NECTIN3: variants seen among roughly 807,000 people sequenced by gnomAD.
NECTIN3 encodes the protein nectin cell adhesion molecule 3, also known as nectin-3.
Under a neutral mutation model 49.4 loss-of-function variants are expected in NECTIN3, and 8 were observed. The ratio of observed to expected loss-of-function variants is 0.16; its 90% CI spans 0.10 to 0.29. The LOEUF is 0.29. NECTIN3 is among the 10% of genes least tolerant of loss of function. The pLI is 1.00. For missense variants in NECTIN3, 581 were observed against 654.6 expected (o/e 0.89, Z 1.23); for synonymous variants, 277 against 241.1 (o/e 1.15, Z -1.38).
intron 3 of NECTIN3, 122 bp downstream of exon 3, chr3:111,119,074 A>G (rs991145630): frequency 1.5e-5 from 14 of 954,194 alleles, no homozygotes; most frequent in Non-Finnish European, 1.8e-5. Flanking sequence ...GTTTGTTTTC[A>G]TGGAAATTTC....
In NECTIN3 at chr3:111,159,665, A is replaced by G. The variant is rs556459612; in HGVS notation, c.1221+12181A>G. Reference sequence around the variant, plus strand: ...TACTCAAGGCGAAATTTCCTCCAACATCATTCCTAAAATGTCATCATCTAG... The same window carrying G: ...TACTCAAGGCGAAATTTCCTCCAACGTCATTCCTAAAATGTCATCATCTAG... On this transcript the variant is annotated intron_variant, in intron 7 of 8. Transcript: ENST00000493615. 2.7e-3 allele frequency among the ~76,000 whole-genome samples: 404 copies of G among 152,296 alleles called. 2 individuals are homozygous for G. The highest frequency in any genetic ancestry group is 9.0e-3 in the African/African-American group (374 of 41,576).
chr3:111,129,710 A>G (rs745881646), intron 5 of NECTIN3, among the ~76,000 whole-genome samples: 14 of 150,470 alleles, frequency 9.3e-5, no homozygotes, highest in African/African-American at 3.4e-4. Context: ...GTACAGTGGC[A>G]CTATCTTGGC....
intron 1 of NECTIN3, among the ~76,000 whole-genome samples, chr3:111,109,678 G>T (rs1309473450): frequency 6.6e-6 from 1 of 151,796 alleles, no homozygotes; most frequent in Non-Finnish European, 1.5e-5. Flanking sequence ...GTCTGTTTGT[G>T]TACTTTCAAT....
chr3:111,144,883 T>C, intron 5 of NECTIN3: 1 of 1,518,550 alleles, frequency 6.6e-7, no homozygotes. Context: ...AAAGCCTAAT[T>C]TTTGTTACTT....
intron 4 of NECTIN3, among the ~76,000 whole-genome samples, chr3:111,125,132 G>A (rs2107476435): frequency 7.0e-6 from 1 of 143,702 alleles, no homozygotes. Context: ...GGGTTCAAGT[G>A]ATTCTCCTGC....
chr3:111,101,581 CTTCTA>C (rs2032909763), intron 1 of NECTIN3, among the ~76,000 whole-genome samples: 2 of 152,202 alleles, frequency 1.3e-5, no homozygotes, highest in East Asian at 1.9e-4. Flanking sequence ...TTTTATTGAA[CTTCTA>C]TTCTAGAATT....
intron 7 of NECTIN3, among the ~76,000 whole-genome samples, chr3:111,166,204 A>G (rs2035316447): frequency 6.6e-6 from 1 of 152,194 alleles, no homozygotes; most frequent in South Asian, 2.1e-4. Context: ...ATTGACCCCC[A>G]GCAATTAAAT....
At chr3:111,109,870 T>A (rs923823649) in intron 1 of NECTIN3, among the ~76,000 whole-genome samples, 2 of 152,064 alleles carry the variant, frequency 1.3e-5, no homozygotes, top group African/African-American at 4.8e-5. Flanking sequence ...AGAATTGACA[T>A]GTAAATAAGT....
intron 7 of NECTIN3, among the ~76,000 whole-genome samples, chr3:111,183,132 C>T (rs942372937): frequency 4.0e-5 from 6 of 151,330 alleles, no homozygotes; most frequent in East Asian, 2.0e-4. Flanking sequence ...TTTCTCCCTG[C>T]GTTATAAACC....
In NECTIN3 at chr3:111,121,807, C is replaced by T. The variant is rs934345056; in HGVS notation, c.800-314C>T. 7.2e-5 allele frequency among the ~76,000 whole-genome samples: 11 copies of T among 152,224 alleles called. No homozygotes were observed. The East Asian group carries it at 2.1e-3, about 29-fold the overall frequency. On this transcript the variant is annotated intron_variant, in intron 3 of 5. Transcript: ENST00000485303. Reference sequence around the variant, plus strand: ...GCTTTGTTCCTGTATCTCTACATCTCGCATAATAGGATTCTTACATTTTGC... The same window carrying T: ...GCTTTGTTCCTGTATCTCTACATCTTGCATAATAGGATTCTTACATTTTGC...
intron 7 of NECTIN3, among the ~76,000 whole-genome samples, chr3:111,148,033 T>A (rs2107510429): frequency 6.6e-6 from 1 of 152,320 alleles, no homozygotes; most frequent in Middle Eastern, 3.4e-3. Flanking sequence ...ACTATCAGAA[T>A]ATTTGAATTC....
chr3:111,100,945 T>C (rs142692033), intron 1 of NECTIN3, among the ~76,000 whole-genome samples: 316 of 152,250 alleles, frequency 2.1e-3, no homozygotes, highest in African/African-American at 5.6e-3. Context: ...GTAGCTCTTA[T>C]AGATTTTCTT....
chr3:111,090,290 CCTTT>C (rs1271676227), intron 1 of NECTIN3, among the ~76,000 whole-genome samples: 1 of 151,970 alleles, frequency 6.6e-6, no homozygotes, highest in Non-Finnish European at 1.5e-5. Flanking sequence ...GTCCATACGT[CCTTT>C]GTTTTATTCA....
intron 1 of NECTIN3, among the ~76,000 whole-genome samples, chr3:111,099,375 A>G (rs552071000): frequency 6.6e-6 from 1 of 152,280 alleles, no homozygotes; most frequent in African/African-American, 2.4e-5. Flanking sequence ...ATTATTAATA[A>G]TGTTTCTCTA....
rs1297109741 is a variant in NECTIN3 at position 111,135,250 on chromosome 3, A to G, written c.*1035A>G. On this transcript the variant is annotated 3_prime_UTR_variant, in exon 6 of 6. Coordinates refer to ENST00000485303, the MANE Select transcript of NECTIN3 (RefSeq NM_015480.3). ...GAGTAAACTTGGAACTTTGGATATA[A>G]CTAGAAAAAACTAGATTATAGAATT... 1 of 967,064 alleles carries G rather than the reference A, an allele frequency of 1.0e-6. No individual in the cohort carries two copies. The highest frequency in any genetic ancestry group is 1.2e-4 in the East Asian group (1 of 8,682). The allele number at this position is 967,064 out of a possible 1,614,324, so 59.9% of individuals were successfully genotyped here.
At chr3:111,190,553 G>A (rs929506104), upstream of NECTIN3, among the ~76,000 whole-genome samples, 4 of 152,180 alleles carry the variant, frequency 2.6e-5, no homozygotes, top group African/African-American at 9.7e-5. Flanking sequence ...CAGATTTAGT[G>A]TCTGGCGAGG....
chr3:111,128,281 G>A (rs1460948199), intron 5 of NECTIN3, among the ~76,000 whole-genome samples: 2 of 149,934 alleles, frequency 1.3e-5, no homozygotes, highest in East Asian at 3.9e-4. Context: ...AGATTGCAGT[G>A]AGCCCAGATC....
In NECTIN3 at chr3:111,133,731, T is replaced by C. The variant is rs2034474427; in HGVS notation, c.1166T>C (p.Phe389Ser). ...GCAACAGAACCTAAAAAATTGCCCT[T>C]CCCATTGTCAACTTTGGCAACAATT... ...DLATEPKKLP[F>S]PLSTLATIKD... Residue 389 changes from phenylalanine to serine, a missense_variant, in exon 6 of 6, where the codon TTC becomes TCC. Transcript: ENST00000485303. 1 of 1,613,944 alleles carries C rather than the reference T, an allele frequency of 6.2e-7. No individual in the cohort carries two copies. Among genetic ancestry groups the C allele is most frequent in the Non-Finnish European group, 8.5e-7 (1 of 1,179,864 alleles).
intron 7 of NECTIN3, among the ~76,000 whole-genome samples, chr3:111,169,375 CTTTTTTT>C (rs59239398): frequency 1.7e-5 from 2 of 114,598 alleles, no homozygotes; most frequent in African/African-American, 6.3e-5. Context: ...CAAACGCAAA[CTTTTTTT>C]TTTTTTTTTT....
Sources: allele counts gnomAD v4.1 joint callset (sites outside exome capture counted in the v4.1 genomes callset), GRCh38; gene constraint gnomAD v4.1.1; transcripts MANE v1.5; gene names NCBI Gene and HGNC (gene_info 2026-07-23, HGNC 2026-07-21).